CHL1: variants seen among roughly 807,000 people sequenced by gnomAD.
CHL1 encodes the protein cell adhesion molecule L1 like, also known as neural cell adhesion molecule L1-like protein.
Under a neutral mutation model 141.9 loss-of-function variants are expected in CHL1, and 96 were observed. That is an observed-to-expected ratio of 0.68 (90% CI 0.57 to 0.80). CHL1 has a LOEUF of 0.80. Among genes scored for constraint, CHL1 ranks in the 30% least tolerant of loss-of-function variants. The pLI, the probability that CHL1 is intolerant of heterozygous loss-of-function variation, is 0.00. For synonymous variants in CHL1, 613 were observed against 502.2 expected, an observed-to-expected ratio of 1.22 and a Z score of -2.95; for missense variants, 1,820 against 1,457.2, an observed-to-expected ratio of 1.25 and a Z score of -4.05.
intron 15 of CHL1, among the ~76,000 whole-genome samples, chr3:368,173 A>T (rs1253828210): frequency 3.0e-4 from 46 of 152,206 alleles, no homozygotes; most frequent in Admixed American, 3.0e-3. Flanking sequence ...GAATCACCAC[A>T]CTGTCTTCCA....
At chr3:254,055 A>C (rs1466934675) in intron 2 of CHL1, among the ~76,000 whole-genome samples, 1 of 152,196 alleles carries the variant, frequency 6.6e-6, no homozygotes, top group East Asian at 1.9e-4. Context: ...CTCTGCTCAG[A>C]CCGACCTTTG....
At chr3:336,855 G>C (rs181670605) in intron 5 of CHL1, among the ~76,000 whole-genome samples, 1 of 152,278 alleles carries the variant, frequency 6.6e-6, no homozygotes, top group African/African-American at 2.4e-5. Context: ...CTGCAGGTTG[G>C]TTGTGCCTTG....
intron 26 of CHL1, among the ~76,000 whole-genome samples, chr3:399,863 A>G (rs914732812): frequency 1.3e-5 from 2 of 152,140 alleles, no homozygotes; most frequent in African/African-American, 4.8e-5. Context: ...TACTGGCTCC[A>G]CTGGTCAATT....
chr3:355,355 A>G (rs1703618643), intron 11 of CHL1, among the ~76,000 whole-genome samples: 1 of 151,994 alleles, frequency 6.6e-6, no homozygotes, highest in African/African-American at 2.4e-5. Context: ...TGCCCGGTCC[A>G]CCCTGAGCCC....
intron 2 of CHL1, among the ~76,000 whole-genome samples, chr3:307,975 A>G (rs897967030): frequency 6.6e-6 from 1 of 152,224 alleles, no homozygotes; most frequent in African/African-American, 2.4e-5. Flanking sequence ...AAACCTATGA[A>G]TATGGTTGGC....
intron 14 of CHL1, chr3:363,609 G>A: frequency 2.5e-6 from 1 of 395,176 alleles, no homozygotes; most frequent in Non-Finnish European, 4.5e-6. Context: ...GCAGCCAGGT[G>A]TCTGTAGTGA....
In CHL1 at chr3:354,698, C is replaced by T. The variant is rs779155852; in HGVS notation, c.1092C>T (p.Gly364=). 1.9e-6 allele frequency: 3 copies of T among 1,614,024 alleles called. No homozygotes were observed. Among genetic ancestry groups the T allele is most frequent in the Non-Finnish European group, 2.5e-6 (3 of 1,179,930 alleles). Residue 364 remains glycine (G), a synonymous_variant, in exon 11 of 28, where the codon GGC becomes GGT. Transcript: ENST00000256509. ...CTGTGTATAGCACCGGAAGCAATGG[C>T]ATCTTGTTATGTGAGGCTGAAGGAG... The part of the protein sequence containing the change: ...QSAVYSTGSN[G]ILLCEAEGEP...
At chr3:327,529 T>C (rs1701109379) in intron 4 of CHL1, among the ~76,000 whole-genome samples, 1 of 152,000 alleles carries the variant, frequency 6.6e-6, no homozygotes, top group African/African-American at 2.4e-5. Context: ...ATTGAAATAT[T>C]TGGACAAGTA....
intron 15 of CHL1, among the ~76,000 whole-genome samples, chr3:372,575 T>C (rs182921030): frequency 1.3e-5 from 2 of 152,212 alleles, no homozygotes. Context: ...GTCAGCATAG[T>C]TTTTTATTAC....
chr3:391,620 C>T (rs548388224), intron 22 of CHL1, 55 bp from the exon 23 acceptor site: 3 of 1,326,742 alleles, frequency 2.3e-6, no homozygotes, highest in South Asian at 2.6e-5. Context: ...TATAATAAGG[C>T]TTTTTTGAAT....
At chr3:367,717 T>A (rs564045556) in intron 15 of CHL1, among the ~76,000 whole-genome samples, 1 of 152,352 alleles carries the variant, frequency 6.6e-6, no homozygotes, top group African/African-American at 2.4e-5. Flanking sequence ...AACATGCAGA[T>A]TTGTTACATA....
intron 2 of CHL1, among the ~76,000 whole-genome samples, chr3:287,800 C>G (rs1201782658): frequency 1.3e-5 from 2 of 151,610 alleles, no homozygotes; most frequent in South Asian, 2.1e-4. Context: ...GAGTCTCACT[C>G]TATCATCCAG....
intron 1 of CHL1, among the ~76,000 whole-genome samples, chr3:229,373 G>A (rs1701666429): frequency 6.6e-6 from 1 of 152,134 alleles, no homozygotes; most frequent in Admixed American, 6.6e-5. Context: ...TGCCCCCGTT[G>A]ATAAGTTGCC....
rs192807671 is a variant in CHL1 at position 346,925 on chromosome 3, T to A, written c.848+2216T>A. Among the ~76,000 whole-genome samples, 209 of 152,300 alleles carry A rather than the reference T, an allele frequency of 1.4e-3. 2 individuals carry two copies. Among genetic ancestry groups the A allele is most frequent in the African/African-American group, 4.7e-3 (197 of 41,580 alleles). On this transcript the variant is annotated intron_variant, in intron 9 of 27. Coordinates refer to ENST00000256509, the MANE Select transcript of CHL1 (RefSeq NM_006614.4). The stretch of plus-strand genomic sequence containing the variant: ...AAACTAGTCTAATTGTCTAATACAT[T>A]TTACTTGAAAGAATAAAGTAAAATG...
In CHL1 at chr3:212,709, G is replaced by A. The variant is rs374289736; in HGVS notation, c.-175+15646G>A. Among the ~76,000 whole-genome samples the A allele has an allele frequency of 1.7e-3, 259 of 152,022 alleles. 1 individual carries two copies. The highest frequency in any genetic ancestry group is 5.9e-3 in the African/African-American group (245 of 41,450). ...GTCAGCCTTCATTATTCCCCTCTCC[G>A]TCCCTGTATCCTTAGAGACCCTCTC... On this transcript the variant is annotated intron_variant, in intron 1 of 27. Coordinates refer to ENST00000256509, the MANE Select transcript of CHL1 (RefSeq NM_006614.4).
chr3:349,866 T>C (rs1703094499), intron 10 of CHL1, among the ~76,000 whole-genome samples: 1 of 152,148 alleles, frequency 6.6e-6, no homozygotes, highest in African/African-American at 2.4e-5. Flanking sequence ...TTCATAATAT[T>C]AAATCATAAA....
chr3:329,140 T>C (rs17585814), intron 5 of CHL1, among the ~76,000 whole-genome samples: 2,665 of 152,248 alleles, frequency 0.018, 41 homozygotes, highest in South Asian at 0.058. Context: ...TGACCACCTT[T>C]TATATTTTAT....
At chr3:338,125 A>G (rs62227255) in intron 5 of CHL1, among the ~76,000 whole-genome samples, 4,673 of 152,166 alleles carry the variant, frequency 0.031, 99 homozygotes, top group Middle Eastern at 0.058. Flanking sequence ...CGGCCTCCCA[A>G]AGTGCAAACA....
At chr3:250,794 A>G (rs1370432715) in intron 2 of CHL1, among the ~76,000 whole-genome samples, 1 of 152,236 alleles carries the variant, frequency 6.6e-6, no homozygotes, top group African/African-American at 2.4e-5. Context: ...AACCTGTGCC[A>G]TGTGTAAAAT....
Sources: gnomAD v4.1 joint callset for allele counts (sites outside exome capture counted in the v4.1 genomes callset) on GRCh38, gnomAD v4.1.1 for gene constraint, MANE v1.5 for transcripts, NCBI Gene and HGNC (gene_info 2026-07-23, HGNC 2026-07-21) for gene names.